SP110: variants seen among roughly 807,000 people sequenced by gnomAD.
The protein encoded by SP110 is interferon-induced protein 41, 30kD.
Under a neutral mutation model 92.7 loss-of-function variants are expected in SP110, and 62 were observed. That is an observed-to-expected ratio of 0.67 (90% confidence interval 0.55 to 0.83). SP110 has a LOEUF of 0.83. SP110 is among the 40% of genes least tolerant of loss of function. The pLI is 0.00. For synonymous variants in SP110, 273 were observed against 305.3 expected (o/e 0.89, Z 1.10); for missense variants, 793 against 863.9 (o/e 0.92, Z 1.03).
In SP110 at chr2:230,216,783, T is replaced by C. The variant is rs766140257; in HGVS notation, c.145A>G (p.Met49Val). 11 of 1,613,914 alleles carry C rather than the reference T, an allele frequency of 6.8e-6. No individual in the cohort carries two copies. In the Middle Eastern group the frequency reaches 1.5e-3, roughly 220 times the overall value. The change falls in exon 2 of 19, where the codon ATG becomes GTG. Residue 49 changes from methionine to valine, a missense_variant and splice_region_variant. By Grantham distance (21) the Met-to-Val change is conservative. Transcript: ENST00000258381. ...DNSIITKRMY[M>V]ESLEACRNLI... ...TGGAAGGGTTCAACATGACTCACCATGTACATTCTCTTAGTGATGATGGAG... is the reference window on the plus strand; with the variant it reads ...TGGAAGGGTTCAACATGACTCACCACGTACATTCTCTTAGTGATGATGGAG...
intron 1 of SP110, chr2:230,225,416 C>T (rs2046203545): frequency 3.4e-6 from 1 of 296,714 alleles, no homozygotes; most frequent in Non-Finnish European, 6.6e-6. Context: ...GGTGCATGGC[C>T]AGCCCTGGAG....
intron 10 of SP110, among the ~76,000 whole-genome samples, chr2:230,188,838 A>G (rs1008682884): frequency 7.2e-5 from 11 of 152,278 alleles, no homozygotes; most frequent in Admixed American, 3.3e-4. Flanking sequence ...CCACTTGATC[A>G]TGGTGTATTA....
chr2:230,167,971 G>T lies in SP110; in HGVS notation c.*1153C>A, dbSNP rs533300871. On this transcript the variant is annotated 3_prime_UTR_variant, in exon 19 of 19. Coordinates refer to ENST00000258381, the MANE Select transcript of SP110 (RefSeq NM_080424.4). ...TGAGGAGTTTCTCACTAAAAGTGGG[G>T]AACTTGCACATGCCTGTAATCCCAG... 1 of 152,042 alleles carries T rather than the reference G, an allele frequency of 6.6e-6. No homozygotes were observed. Among genetic ancestry groups the T allele is most frequent in the East Asian group, 1.9e-4 (1 of 5,180 alleles). 9.4% of individuals were successfully genotyped at this position (152,042 alleles called of 1,614,324 possible).
chr2:230,223,739 A>T (rs866234409), upstream of SP110, among the ~76,000 whole-genome samples: 2 of 152,234 alleles, frequency 1.3e-5, no homozygotes, highest in African/African-American at 2.4e-5. Flanking sequence ...GGCAAATTAA[A>T]TTACAGCACT....
chr2:230,210,104 A>G (rs1306961541), intron 6 of SP110, 96 bp from the exon 7 acceptor site: 1 of 815,036 alleles, frequency 1.2e-6, no homozygotes, highest in Non-Finnish European at 2.2e-6. Flanking sequence ...TAGAAAGTAC[A>G]TGCAGCCCAG....
chr2:230,194,561 G>A (rs1470804057), intron 10 of SP110, among the ~76,000 whole-genome samples: 2 of 152,180 alleles, frequency 1.3e-5, no homozygotes, highest in African/African-American at 4.8e-5. Flanking sequence ...GAAAAATGCA[G>A]CTTTTTTGTT....
chr2:230,176,814 T>C (rs2041883023), intron 14 of SP110: 3 of 1,291,188 alleles, frequency 2.3e-6, no homozygotes, highest in South Asian at 2.4e-5. Flanking sequence ...TGAATGTCTG[T>C]ACCCAGACAT....
intron 18 of SP110, among the ~76,000 whole-genome samples, chr2:230,169,764 T>C (rs1383494152): frequency 2.0e-5 from 3 of 152,226 alleles, no homozygotes; most frequent in Non-Finnish European, 4.4e-5. Flanking sequence ...TTAGTTTTGA[T>C]CATGGCAAAT....
intron 8 of SP110, 81 bp downstream of exon 8, chr2:230,207,910 A>G: frequency 2.7e-6 from 2 of 733,308 alleles, no homozygotes; most frequent in Non-Finnish European, 4.9e-6. Flanking sequence ...TTAGAATAAA[A>G]TTCAACCCTC....
At chr2:230,173,058 G>C (rs2078491376) in intron 14 of SP110, 99 bp from the exon 15 acceptor site, 1 of 834,484 alleles carries the variant, frequency 1.2e-6, no homozygotes, top group Non-Finnish European at 2.0e-6. Flanking sequence ...GTGTGCCAGA[G>C]TGGATATCCA....
chr2:230,199,316 C>T (rs913370557), intron 10 of SP110, among the ~76,000 whole-genome samples: 3 of 144,642 alleles, frequency 2.1e-5, no homozygotes, highest in Non-Finnish European at 4.5e-5. Context: ...TCAAGCGATT[C>T]TCCTTCCTCA....
At chr2:230,222,416 G>A (rs533147204), upstream of SP110, among the ~76,000 whole-genome samples, 52 of 152,180 alleles carry the variant, frequency 3.4e-4, no homozygotes, top group African/African-American at 1.1e-3. Context: ...TACTACACCA[G>A]TCAAGATGTA....
chr2:230,210,784 G>T (rs891866237), intron 6 of SP110, among the ~76,000 whole-genome samples: 1 of 152,158 alleles, frequency 6.6e-6, no homozygotes, highest in Non-Finnish European at 1.5e-5. Flanking sequence ...GCCTGCTTAG[G>T]AATAGGTGAC....
intron 10 of SP110, among the ~76,000 whole-genome samples, chr2:230,189,769 C>T (rs2042525239): frequency 6.6e-6 from 1 of 152,156 alleles, no homozygotes; most frequent in South Asian, 2.1e-4. Flanking sequence ...GATCAACTCC[C>T]ACTTATGAGT....
rs549852188 is a variant in SP110, at chr2:230,216,996, G to A, written c.-1-68C>T. 3.4e-4 allele frequency: 486 copies of A among 1,436,030 alleles called. 1 individual carries two copies. The African/African-American group carries it at 6.1e-3, about 18-fold the overall frequency. The allele number at this position is 1,436,030 out of a possible 1,614,324, so 89.0% of individuals were successfully genotyped here. A position where few individuals can be genotyped will look rare whatever the true frequency, so the allele number is the denominator to read the frequency against. On this transcript the variant is annotated intron_variant, in intron 1 of 18. Coordinates refer to ENST00000258381, the MANE Select transcript of SP110 (RefSeq NM_080424.4). ...CGCGGTGGCTCATGCCTGTAATCCC[G>A]GCACTTTGGGAGGCCGAGGTGGGTG...
At chr2:230,207,935 C>T (rs1336651144) in intron 8 of SP110, 56 bp downstream of exon 8, 1 of 847,026 alleles carries the variant, frequency 1.2e-6, no homozygotes, top group Admixed American at 1.9e-5. Flanking sequence ...GCTTGACCTA[C>T]AAGCCCTGCA....
rs2078304934 is a variant in SP110 at position 230,165,904 on chromosome 2, TTTTTTTTGAAACAGAGTC to T, written c.*3202_*3219del. 6.6e-6 allele frequency among the ~76,000 whole-genome samples: 1 copy of T among 151,226 alleles called. No individual in the cohort carries two copies. The highest frequency in any genetic ancestry group is 6.6e-5 in the Admixed American group (1 of 15,190). On this transcript the variant is annotated 3_prime_UTR_variant, in exon 19 of 19. Coordinates refer to ENST00000258381, the MANE Select transcript of SP110 (RefSeq NM_080424.4). ...AAGACCACCTATATAACTTTTTTTTTTTTTTTTGAAACAGAGTCTTACTCTGTTGCCCAGGCTGGAGTG... is the reference window on the plus strand; with the variant it reads ...AAGACCACCTATATAACTTTTTTTTTTTACTCTGTTGCCCAGGCTGGAGTG...
At chr2:230,192,554 A>G (rs2148798452) in intron 10 of SP110, among the ~76,000 whole-genome samples, 1 of 152,280 alleles carries the variant, frequency 6.6e-6, no homozygotes, top group African/African-American at 2.4e-5. Flanking sequence ...AGAGAATAAA[A>G]TACCTAGGAA....
At chr2:230,195,124 C>T (rs1340838126) in intron 10 of SP110, among the ~76,000 whole-genome samples, 2 of 151,850 alleles carry the variant, frequency 1.3e-5, no homozygotes, top group Non-Finnish European at 2.9e-5. Context: ...AGAAAAAACC[C>T]ACATCTTTTA....
Sources: gnomAD v4.1 joint callset for allele counts (sites outside exome capture counted in the v4.1 genomes callset) on GRCh38, gnomAD v4.1.1 for gene constraint, MANE v1.5 for transcripts, NCBI Gene and HGNC (gene_info 2026-07-23, HGNC 2026-07-21) for gene names.